TMEM163: variants seen among roughly 807,000 people sequenced by gnomAD.
TMEM163 encodes the protein transmembrane protein 163.
A neutral mutation model predicts 29.3 loss-of-function variants in TMEM163; 17 were observed. That is an observed-to-expected ratio of 0.58 (90% CI 0.40 to 0.87). The LOEUF is 0.87. TMEM163 is among the 40% of genes least tolerant of loss of function. TMEM163 has a pLI of 0.00. For missense variants in TMEM163, 303 were observed against 381.5 expected, an observed-to-expected ratio of 0.79 and a Z score of 1.71; for synonymous variants, 157 against 160.6, an observed-to-expected ratio of 0.98 and a Z score of 0.17.
chr2:134,472,940 G>C (rs549125521), intron 5 of TMEM163, among the ~76,000 whole-genome samples: 1 of 152,142 alleles, frequency 6.6e-6, no homozygotes. Flanking sequence ...GAATATTCTA[G>C]TATTTGGAAA....
chr2:134,644,721 A>T (rs759318599), intron 2 of TMEM163, among the ~76,000 whole-genome samples: 15 of 152,184 alleles, frequency 9.9e-5, no homozygotes, highest in Non-Finnish European at 4.4e-5. Context: ...AAGAGTTTTT[A>T]GACACGACAC....
chr2:134,603,677 T>C (rs959429015), intron 2 of TMEM163, among the ~76,000 whole-genome samples: 5 of 152,164 alleles, frequency 3.3e-5, no homozygotes, highest in African/African-American at 1.2e-4. Context: ...GTACATGTTG[T>C]ATCCTGCCTG....
chr2:134,526,042 C>T (rs949958997), intron 4 of TMEM163, among the ~76,000 whole-genome samples: 1 of 152,110 alleles, frequency 6.6e-6, no homozygotes, highest in Non-Finnish European at 1.5e-5. Flanking sequence ...CTGGCTCAGG[C>T]CAGGCCTCGG....
intron 4 of TMEM163, among the ~76,000 whole-genome samples, chr2:134,520,085 A>T (rs1651945245): frequency 6.6e-6 from 1 of 152,154 alleles, no homozygotes; most frequent in Non-Finnish European, 1.5e-5. Context: ...TCTCATTTAC[A>T]TAACTCTACA....
chr2:134,482,748 T>A (rs1041511466), intron 5 of TMEM163, among the ~76,000 whole-genome samples: 2 of 152,132 alleles, frequency 1.3e-5, no homozygotes, highest in Non-Finnish European at 2.9e-5. Context: ...TATTGACAAG[T>A]TACCGTGGAT....
At chr2:134,574,623 T>C (rs145416049) in intron 2 of TMEM163, among the ~76,000 whole-genome samples, 2 of 152,276 alleles carry the variant, frequency 1.3e-5, no homozygotes, top group African/African-American at 4.8e-5. Flanking sequence ...TTTCCAAAAT[T>C]ATTTAGTACT....
chr2:134,539,224 T>A (rs896634412), intron 4 of TMEM163, among the ~76,000 whole-genome samples: 3 of 152,184 alleles, frequency 2.0e-5, no homozygotes, highest in Admixed American at 1.3e-4. Context: ...AGCTGAATCA[T>A]GCTACAGAAA....
intron 2 of TMEM163, among the ~76,000 whole-genome samples, chr2:134,624,578 T>C (rs191584048): frequency 9.3e-4 from 142 of 152,220 alleles, no homozygotes; most frequent in Admixed American, 2.0e-3. Context: ...GGAACAAACC[T>C]GCACATGTAC....
At chr2:134,560,137 C>T (rs1483936942) in intron 2 of TMEM163, among the ~76,000 whole-genome samples, 7 of 152,164 alleles carry the variant, frequency 4.6e-5, no homozygotes, top group Non-Finnish European at 7.3e-5. Flanking sequence ...TCCTGGCCAC[C>T]GCATTTAACG....
intron 2 of TMEM163, among the ~76,000 whole-genome samples, chr2:134,611,094 T>C (rs1216736247): frequency 6.6e-6 from 1 of 152,098 alleles, no homozygotes; most frequent in Non-Finnish European, 1.5e-5. Context: ...CAAATAAAAA[T>C]AAAATTTAAA....
rs528726661 is a variant in TMEM163, at chr2:134,667,572, C to T, written c.322+45628G>A. 9.6e-4 allele frequency among the ~76,000 whole-genome samples: 146 copies of T among 152,328 alleles called. No homozygotes were observed. The South Asian group carries it at 0.01, about 11-fold the overall frequency. On this transcript the variant is annotated intron_variant, in intron 2 of 7. Coordinates refer to ENST00000281924, the MANE Select transcript of TMEM163 (RefSeq NM_030923.5). ...CATTACAGCAGCCCTGGACTGCTTC[C>T]ACCCAGGCTATGTGTTTAAACCATG...
At chr2:134,601,483 C>T (rs965980512) in intron 2 of TMEM163, among the ~76,000 whole-genome samples, 2 of 152,266 alleles carry the variant, frequency 1.3e-5, no homozygotes, top group African/African-American at 2.4e-5. Context: ...ACCAACCCAA[C>T]AGCCAGTCCT....
intron 2 of TMEM163, among the ~76,000 whole-genome samples, chr2:134,581,764 A>G (rs560397941): frequency 2.6e-5 from 4 of 152,206 alleles, no homozygotes; most frequent in Non-Finnish European, 4.4e-5. Flanking sequence ...GCATATGCAT[A>G]TACACATGTA....
At chr2:134,557,374 T>C (rs1681068668) in intron 2 of TMEM163, among the ~76,000 whole-genome samples, 1 of 152,176 alleles carries the variant, frequency 6.6e-6, no homozygotes, top group Non-Finnish European at 1.5e-5. Context: ...CAGAGATCAA[T>C]CAATTTAGAA....
chr2:134,625,422 C>T (rs1043669010), intron 2 of TMEM163, among the ~76,000 whole-genome samples: 5 of 152,130 alleles, frequency 3.3e-5, no homozygotes. Context: ...ATAATGGAAC[C>T]GTGATGCACA....
chr2:134,529,577 C>T (rs1482827721), intron 4 of TMEM163, among the ~76,000 whole-genome samples: 1 of 151,696 alleles, frequency 6.6e-6, no homozygotes, highest in Non-Finnish European at 1.5e-5. Context: ...GGAGAAACCC[C>T]TATCTCTACA....
intron 4 of TMEM163, among the ~76,000 whole-genome samples, chr2:134,515,523 A>T (rs1334762633): frequency 6.6e-6 from 1 of 152,182 alleles, no homozygotes; most frequent in East Asian, 1.9e-4. Flanking sequence ...ACTTTGATCC[A>T]CTTCTGGGAA....
At chr2:134,595,956 T>C (rs539556745) in intron 2 of TMEM163, among the ~76,000 whole-genome samples, 1 of 152,320 alleles carries the variant, frequency 6.6e-6, no homozygotes, top group African/African-American at 2.4e-5. Context: ...CACTTGTTGA[T>C]GGGGTTGTTT....
chr2:134,596,537 C>A (rs984164697), intron 2 of TMEM163, among the ~76,000 whole-genome samples: 1 of 152,314 alleles, frequency 6.6e-6, no homozygotes, highest in Middle Eastern at 3.4e-3. Flanking sequence ...AGTTTGAAGT[C>A]AGATAGCGTG....
Sources: allele counts gnomAD v4.1 joint callset (sites outside exome capture counted in the v4.1 genomes callset), GRCh38; gene constraint gnomAD v4.1.1; transcripts MANE v1.5; gene names NCBI Gene and HGNC (gene_info 2026-07-23, HGNC 2026-07-21).